ZCCHC4: variants seen among roughly 807,000 people sequenced by gnomAD.
ZCCHC4 encodes the protein zinc finger CCHC-type containing 4, also known as rRNA N(6)-adenosine-methyltransferase ZCCHC4.
Under a neutral mutation model 67.7 loss-of-function variants are expected in ZCCHC4, and 54 were observed. That is an observed-to-expected ratio of 0.80 (90% CI 0.64 to 1.00). ZCCHC4 has a LOEUF of 1.00. ZCCHC4 is among the 50% of genes least tolerant of loss of function. ZCCHC4 has a pLI of 0.00. For synonymous variants in ZCCHC4, 198 were observed against 213.5 expected, an observed-to-expected ratio of 0.93 and a Z score of 0.63; for missense variants, 609 against 617.0, an observed-to-expected ratio of 0.99 and a Z score of 0.14.
chr4:25,361,744 T>C, intron 8 of ZCCHC4, 115 bp from the exon 9 acceptor site: 1 of 1,113,538 alleles, frequency 9.0e-7, no homozygotes, highest in Non-Finnish European at 1.2e-6. Flanking sequence ...ACACTTGGCA[T>C]GACAAATACT....
chr4:25,318,776 T>C (rs1275032158), intron 3 of ZCCHC4, among the ~76,000 whole-genome samples: 1 of 132,276 alleles, frequency 7.6e-6, no homozygotes, highest in African/African-American at 2.6e-5. Context: ...TATTAAAGAA[T>C]TTCCAAAAGG....
chr4:25,366,260 A>G, intron 12 of ZCCHC4: 2 of 888,588 alleles, frequency 2.3e-6, no homozygotes, highest in Non-Finnish European at 2.7e-6. Flanking sequence ...CCACTGAGTA[A>G]TCCAGGATAA....
At chr4:25,346,193 C>A (rs753344493) in intron 6 of ZCCHC4, among the ~76,000 whole-genome samples, 2 of 151,886 alleles carry the variant, frequency 1.3e-5, no homozygotes, top group Non-Finnish European at 2.9e-5. Flanking sequence ...TCCTTCCTCT[C>A]ACTTTTTCTG....
Position 25,349,558 on chromosome 4 carries a change from G to T in ZCCHC4, c.826G>T (p.Asp276Tyr), listed in dbSNP as rs1442788718. Residue 276 changes from aspartate (D) to tyrosine (Y), a missense_variant, in exon 7 of 13, where the codon GAT becomes TAT. Physicochemically the swap from Asp to Tyr is radical, Grantham distance 160. Coordinates refer to ENST00000302874, the MANE Select transcript of ZCCHC4 (RefSeq NM_024936.3). ...AGGCGAAGGAATCATTATGGTGACGGATCCTCCGTTTGGTGGCTTGGTTGA... is the reference window on the plus strand; with the variant it reads ...AGGCGAAGGAATCATTATGGTGACGTATCCTCCGTTTGGTGGCTTGGTTGA... ...DKGEGIIMVT[D>Y]PPFGGLVEPL... 6.2e-7 allele frequency: 1 copy of T among 1,613,926 alleles called. No individual in the cohort carries two copies. Among genetic ancestry groups the T allele is most frequent in the African/African-American group, 1.3e-5 (1 of 74,918 alleles).
chr4:25,339,874 A>ATT (rs530212923), intron 5 of ZCCHC4, among the ~76,000 whole-genome samples: 5,766 of 142,410 alleles, frequency 0.04, 133 homozygotes, highest in African/African-American at 0.061. Context: ...CTATTTTGAG[A>ATT]TTTTTTTTTT....
intron 8 of ZCCHC4, among the ~76,000 whole-genome samples, chr4:25,358,424 T>C (rs1419155312): frequency 2.0e-5 from 3 of 152,218 alleles, no homozygotes; most frequent in African/African-American, 7.2e-5. Context: ...CTGAATTTTT[T>C]AATGCCAAAA....
chr4:25,352,014 A>C (rs951443567), intron 8 of ZCCHC4: 2 of 1,016,918 alleles, frequency 2.0e-6, no homozygotes, highest in African/African-American at 3.4e-5. Flanking sequence ...CATCACTAGG[A>C]GATTTTGCAG....
chr4:25,353,315 T>C (rs1163793484), intron 8 of ZCCHC4, among the ~76,000 whole-genome samples: 2 of 152,240 alleles, frequency 1.3e-5, no homozygotes, highest in African/African-American at 4.8e-5. Context: ...TTAAGTAGCA[T>C]TAACAGGTTT....
chr4:25,335,439 C>T (rs1719408610), intron 5 of ZCCHC4, among the ~76,000 whole-genome samples: 3 of 152,030 alleles, frequency 2.0e-5, no homozygotes, highest in Non-Finnish European at 4.4e-5. Context: ...CAGAGCGGGA[C>T]TCAGTCTCAA....
chr4:25,357,170 A>G (rs1300065319), intron 8 of ZCCHC4, among the ~76,000 whole-genome samples: 1 of 152,244 alleles, frequency 6.6e-6, no homozygotes, highest in Non-Finnish European at 1.5e-5. Context: ...TTGCTATTCC[A>G]TATGACACAC....
intron 5 of ZCCHC4, among the ~76,000 whole-genome samples, chr4:25,341,032 G>A (rs963913681): frequency 6.6e-5 from 10 of 151,750 alleles, no homozygotes; most frequent in African/African-American, 1.9e-4. Context: ...TAATAGAAAC[G>A]GGACTTGCTG....
intron 6 of ZCCHC4, 33 bp from the exon 7 acceptor site, chr4:25,349,459 C>G (rs1450456898): frequency 6.2e-7 from 1 of 1,607,916 alleles, no homozygotes; most frequent in Non-Finnish European, 8.5e-7. Flanking sequence ...TCTCTCTAGT[C>G]CTAATTTAGA....
intron 9 of ZCCHC4, 74 bp downstream of exon 9, chr4:25,362,054 T>C: frequency 1.3e-6 from 2 of 1,536,934 alleles, no homozygotes; most frequent in Admixed American, 3.9e-5. Context: ...AGTCAAATGC[T>C]TTCAGTATTG....
intron 5 of ZCCHC4, among the ~76,000 whole-genome samples, chr4:25,334,255 T>A (rs1187510917): frequency 6.6e-6 from 1 of 152,248 alleles, no homozygotes; most frequent in African/African-American, 2.4e-5. Context: ...AATCTACAGA[T>A]GAATCTCTAT....
At chr4:25,324,908 C>G (rs1718782297) in intron 3 of ZCCHC4, among the ~76,000 whole-genome samples, 1 of 152,004 alleles carries the variant, frequency 6.6e-6, no homozygotes, top group South Asian at 2.1e-4. Flanking sequence ...TGAGTTATTC[C>G]TTATACATTG....
intron 3 of ZCCHC4, among the ~76,000 whole-genome samples, chr4:25,329,707 G>C (rs1719081350): frequency 6.6e-6 from 1 of 151,700 alleles, no homozygotes; most frequent in Admixed American, 6.6e-5. Context: ...GCTAATTTTT[G>C]TATTTTTAGT....
chr4:25,328,555 T>C (rs372433945), intron 3 of ZCCHC4, among the ~76,000 whole-genome samples: 6 of 152,014 alleles, frequency 3.9e-5, no homozygotes, highest in Admixed American at 1.3e-4. Context: ...TCTATCTTTT[T>C]TCCTCTGGTT....
chr4:25,314,283 G>A, intron 2 of ZCCHC4, 119 bp downstream of exon 2: 1 of 637,838 alleles, frequency 1.6e-6, no homozygotes, highest in Non-Finnish European at 2.7e-6. Flanking sequence ...TCTTAAGAGA[G>A]ATGGAGATAC....
intron 3 of ZCCHC4, among the ~76,000 whole-genome samples, chr4:25,324,016 T>G (rs1042263325): frequency 1.0e-5 from 1 of 98,288 alleles, no homozygotes; most frequent in South Asian, 3.5e-4. Context: ...TTTTTTGTGT[T>G]TTTTTTTTTT....
Sources: gnomAD v4.1 joint callset for allele counts (sites outside exome capture counted in the v4.1 genomes callset) on GRCh38, gnomAD v4.1.1 for gene constraint, MANE v1.5 for transcripts, NCBI Gene and HGNC (gene_info 2026-07-23, HGNC 2026-07-21) for gene names.